The following DNAJC6 variants were observed in gnomAD, a reference collection of about 807,000 sequenced individuals.
The protein encoded by DNAJC6 is DnaJ heat shock protein family (Hsp40) member C6.
Under a neutral mutation model 110.0 loss-of-function variants are expected in DNAJC6, and 34 were observed. The observed-to-expected ratio is 0.31, with a 90% CI of 0.24 to 0.41. The LOEUF (loss-of-function observed/expected upper bound fraction) is 0.41, where lower values mean the gene tolerates loss of function less well. Among genes scored for constraint, DNAJC6 ranks in the 10% least tolerant of loss-of-function variants. The probability of loss-of-function intolerance (pLI) is 1.00; values close to 1 mark genes in which losing one functional copy is unlikely to be tolerated. For missense variants in DNAJC6, 1,031 were observed against 1,207.8 expected (o/e 0.85, Z 2.17); for synonymous variants, 406 against 437.2 (o/e 0.93, Z 0.89).
intron 1 of DNAJC6, among the ~76,000 whole-genome samples, chr1:65,294,017 G>C (rs937960685): frequency 2.0e-5 from 3 of 152,154 alleles, no homozygotes; most frequent in African/African-American, 4.8e-5. Flanking sequence ...CAAGTTTCTT[G>C]TTAATTTGCA....
intron 4 of DNAJC6, among the ~76,000 whole-genome samples, chr1:65,375,692 C>T (rs1439004189): frequency 6.6e-6 from 1 of 152,222 alleles, no homozygotes; most frequent in Non-Finnish European, 1.5e-5. Context: ...TCCTGAAGTG[C>T]TGGGATTACA....
At chr1:65,264,942 G>A (rs772327587) in intron 1 of DNAJC6, 1 of 1,612,444 alleles carries the variant, frequency 6.2e-7, no homozygotes, top group Non-Finnish European at 8.5e-7. Context: ...GGTAAGGGGC[G>A]GACTGCAGAA....
chr1:65,369,857 TG>T (rs1645688895), intron 4 of DNAJC6, among the ~76,000 whole-genome samples: 1 of 152,202 alleles, frequency 6.6e-6, no homozygotes, highest in African/African-American at 2.4e-5. Flanking sequence ...TGATCAATAC[TG>T]TTTTCCTGAT....
intron 1 of DNAJC6, among the ~76,000 whole-genome samples, chr1:65,330,517 G>A (rs1645278817): frequency 6.6e-6 from 1 of 152,024 alleles, no homozygotes. Context: ...TGCCCAGGCT[G>A]GAGTACAGTG....
At chr1:65,394,836 T>G in intron 12 of DNAJC6, 62 bp from the exon 13 acceptor site, 1 of 1,512,378 alleles carries the variant, frequency 6.6e-7, no homozygotes, top group African/African-American at 1.4e-5. Flanking sequence ...AAGTGACAAT[T>G]CTGTGACATT....
intron 1 of DNAJC6, among the ~76,000 whole-genome samples, chr1:65,362,335 A>G (rs1488986122): frequency 1.3e-5 from 2 of 152,208 alleles, no homozygotes; most frequent in African/African-American, 4.8e-5. Context: ...TAAGTGTTAT[A>G]TATAAGTTAG....
At position 65,309,833 on chromosome 1, in the gene DNAJC6, G is replaced by A. The variant is rs1476536197; in HGVS notation, c.88G>A (p.Ala30Thr). Residue 30 changes from alanine to threonine, a missense_variant, in exon 1 of 19, where the codon GCG becomes ACG. Coordinates refer to ENST00000371069, the MANE Select transcript of DNAJC6 (RefSeq NM_001256864.2). ...GGTGGACAGTAACGGGGACTTAAGT[G>A]CGGGAAGCGGCGGGGTTGGCGGCAA... is the stretch of plus-strand genomic sequence containing the variant. ...QLVDSNGDLS[A>T]GSGGVGGKQR... is the part of the protein sequence containing the mutation. 1.2e-5 allele frequency: 19 copies of A among 1,549,032 alleles called. No individual in the cohort carries two copies. Among genetic ancestry groups the A allele is most frequent in the Non-Finnish European group, 1.7e-5 (19 of 1,146,258 alleles).
At chr1:65,275,204 T>C (rs1370092388) in intron 1 of DNAJC6, among the ~76,000 whole-genome samples, 1 of 152,236 alleles carries the variant, frequency 6.6e-6, no homozygotes, top group African/African-American at 2.4e-5. Flanking sequence ...GTGTATTCCC[T>C]CTGGGATCTT....
chr1:65,321,439 TCCTGCCTTTGGCCTCCC>T (rs1645196623), intron 1 of DNAJC6, among the ~76,000 whole-genome samples: 1 of 141,020 alleles, frequency 7.1e-6, no homozygotes, highest in Non-Finnish European at 1.6e-5. Context: ...CAAGGAATCC[TCCTGCCTTTGGCCTCCC>T]AATATACAGG....
rs188113083 is a variant in DNAJC6 at position 65,321,796 on chromosome 1, G to C, written c.193+11858G>C. On this transcript the variant is annotated intron_variant, in intron 1 of 18. Transcript: ENST00000371069. Reference sequence around the variant, plus strand: ...AGAACTCAGGTCTTCTGCCATATTGGGACATGAGAGAGATTTTCAGAAGAG... The same window carrying C: ...AGAACTCAGGTCTTCTGCCATATTGCGACATGAGAGAGATTTTCAGAAGAG... Among the ~76,000 whole-genome samples, 29 of 152,214 alleles carry C rather than the reference G, an allele frequency of 1.9e-4. No individual in the cohort carries two copies. In the East Asian group the frequency reaches 4.8e-3, roughly 25 times the overall value.
chr1:65,319,640 A>G (rs1645179923), intron 1 of DNAJC6, among the ~76,000 whole-genome samples: 1 of 152,200 alleles, frequency 6.6e-6, no homozygotes, highest in Non-Finnish European at 1.5e-5. Flanking sequence ...AAAAAAACAA[A>G]AAACAAAAAA....
At chr1:65,287,552 G>T (rs1357550958) in intron 1 of DNAJC6, among the ~76,000 whole-genome samples, 1 of 152,080 alleles carries the variant, frequency 6.6e-6, no homozygotes, top group Non-Finnish European at 1.5e-5. Context: ...ATTGAATGAA[G>T]AACAATCACT....
intron 1 of DNAJC6, among the ~76,000 whole-genome samples, chr1:65,321,012 G>A (rs1272023580): frequency 6.6e-6 from 1 of 152,188 alleles, no homozygotes. Context: ...TATAACTGGT[G>A]CTTAGTGAAC....
At chr1:65,321,752 A>G (rs1306924452) in intron 1 of DNAJC6, among the ~76,000 whole-genome samples, 1 of 152,212 alleles carries the variant, frequency 6.6e-6, no homozygotes, top group Non-Finnish European at 1.5e-5. Flanking sequence ...ATGAGCTTAT[A>G]CACAGTGAAA....
intron 15 of DNAJC6, among the ~76,000 whole-genome samples, chr1:65,404,679 T>C (rs1646058679): frequency 6.6e-6 from 1 of 152,160 alleles, no homozygotes; most frequent in African/African-American, 2.4e-5. Flanking sequence ...AGGATCAGAA[T>C]AGGGAAAGTA....
At chr1:65,273,952 A>G (rs1314343750) in intron 1 of DNAJC6, among the ~76,000 whole-genome samples, 3 of 152,194 alleles carry the variant, frequency 2.0e-5, no homozygotes, top group East Asian at 3.9e-4. Context: ...GTTTGGTTCC[A>G]TGTTCTATAT....
intron 1 of DNAJC6, among the ~76,000 whole-genome samples, chr1:65,272,363 A>G (rs933443180): frequency 1.3e-5 from 2 of 152,234 alleles, no homozygotes; most frequent in African/African-American, 4.8e-5. Context: ...TTGAATGTTA[A>G]ACCAACTTTG....
At chr1:65,386,044 T>A in intron 7 of DNAJC6, 138 bp downstream of exon 7, 1 of 917,514 alleles carries the variant, frequency 1.1e-6, no homozygotes, top group Non-Finnish European at 1.6e-6. Context: ...TCAACATCAG[T>A]GGTAATCATA....
intron 8 of DNAJC6, among the ~76,000 whole-genome samples, chr1:65,387,254 C>T (rs1297246270): frequency 6.6e-6 from 1 of 152,166 alleles, no homozygotes; most frequent in Non-Finnish European, 1.5e-5. Context: ...GAGATTTCTA[C>T]TGAGGATGTG....
Sources: allele counts gnomAD v4.1 joint callset (sites outside exome capture counted in the v4.1 genomes callset), GRCh38; gene constraint gnomAD v4.1.1; transcripts MANE v1.5; gene names NCBI Gene and HGNC (gene_info 2026-07-23, HGNC 2026-07-21).